Variants in EFNA5 observed in about 807,000 individuals in gnomAD.
EFNA5 encodes ephrin-A5.
A neutral mutation model predicts 22.9 loss-of-function variants in EFNA5; 5 were observed. The ratio of observed to expected loss-of-function variants is 0.22; its 90% CI spans 0.11 to 0.46. The LOEUF (loss-of-function observed/expected upper bound fraction) is 0.46, where lower values mean the gene tolerates loss of function less well. Among genes scored for constraint, EFNA5 ranks in the 20% least tolerant of loss-of-function variants. The pLI is 0.99. For missense variants in EFNA5, 237 were observed against 293.3 expected (o/e 0.81, Z 1.40); for synonymous variants, 113 against 112.2 (o/e 1.01, Z -0.04).
intron 1 of EFNA5, among the ~76,000 whole-genome samples, chr5:107,511,320 C>T (rs1442085895): frequency 6.6e-6 from 1 of 151,976 alleles, no homozygotes; most frequent in African/African-American, 2.4e-5. Flanking sequence ...GCCACTGCTC[C>T]CGGCACCATA....
intron 2 of EFNA5, among the ~76,000 whole-genome samples, chr5:107,397,085 A>ATTT (rs1168081880): frequency 7.0e-6 from 1 of 142,436 alleles, no homozygotes; most frequent in South Asian, 2.1e-4. Flanking sequence ...CCACTCTTTA[A>ATTT]TTTTTTTTTT....
intron 1 of EFNA5, among the ~76,000 whole-genome samples, chr5:107,475,266 A>G (rs1056384327): frequency 6.6e-6 from 1 of 152,236 alleles, no homozygotes; most frequent in African/African-American, 2.4e-5. Context: ...TCAAACAGGT[A>G]CTGGTGCAAC....
chr5:107,582,740 C>A (rs1412802064), intron 1 of EFNA5, among the ~76,000 whole-genome samples: 3 of 150,664 alleles, frequency 2.0e-5, no homozygotes, highest in Non-Finnish European at 4.4e-5. Flanking sequence ...TTATGAAGAT[C>A]TTGTACAAAA....
At chr5:107,634,672 A>C (rs1750335059) in intron 1 of EFNA5, among the ~76,000 whole-genome samples, 1 of 146,192 alleles carries the variant, frequency 6.8e-6, no homozygotes, top group Non-Finnish European at 1.5e-5. Flanking sequence ...ACATAGGCAG[A>C]CTAAGTTTTA....
At chr5:107,531,290 G>A (rs1421925463) in intron 1 of EFNA5, among the ~76,000 whole-genome samples, 1 of 152,266 alleles carries the variant, frequency 6.6e-6, no homozygotes, top group Admixed American at 6.5e-5. Context: ...AGATGAAGGG[G>A]TGTAACCAAT....
intron 3 of EFNA5, 104 bp from the exon 4 acceptor site, chr5:107,387,419 G>A: frequency 1.4e-6 from 1 of 736,964 alleles, no homozygotes; most frequent in Non-Finnish European, 2.2e-6. Context: ...TTTTTATGTA[G>A]ATTGTCTTAC....
At chr5:107,392,957 C>T (rs1279770512) in intron 2 of EFNA5, among the ~76,000 whole-genome samples, 2 of 152,254 alleles carry the variant, frequency 1.3e-5, no homozygotes, top group Non-Finnish European at 2.9e-5. Flanking sequence ...AATGTTCTCA[C>T]TCCAGTATTA....
chr5:107,535,214 A>G (rs1303178881), intron 1 of EFNA5, among the ~76,000 whole-genome samples: 1 of 152,228 alleles, frequency 6.6e-6, no homozygotes, highest in Admixed American at 6.5e-5. Flanking sequence ...TTAGAAAGGA[A>G]AAATAAATGT....
chr5:107,456,520 G>A (rs1333613704), intron 1 of EFNA5, among the ~76,000 whole-genome samples: 1 of 152,108 alleles, frequency 6.6e-6, no homozygotes, highest in African/African-American at 2.4e-5. Context: ...CCAGCAAACA[G>A]CAGCAAAATC....
chr5:107,498,203 A>G (rs1747037548), intron 1 of EFNA5, among the ~76,000 whole-genome samples: 1 of 152,266 alleles, frequency 6.6e-6, no homozygotes, highest in Non-Finnish European at 1.5e-5. Flanking sequence ...GGCGTGAGCC[A>G]ACAAGCCCGG....
At chr5:107,496,223 T>C (rs1424742624) in intron 1 of EFNA5, among the ~76,000 whole-genome samples, 1 of 143,930 alleles carries the variant, frequency 6.9e-6, no homozygotes, top group Non-Finnish European at 1.5e-5. Context: ...CAGGCACCTG[T>C]AATCCCAGCT....
intron 1 of EFNA5, among the ~76,000 whole-genome samples, chr5:107,539,809 A>T (rs954376198): frequency 6.6e-6 from 1 of 151,978 alleles, no homozygotes; most frequent in Non-Finnish European, 1.5e-5. Flanking sequence ...ACCATTGGTG[A>T]CTCTATGGTT....
intron 2 of EFNA5, among the ~76,000 whole-genome samples, chr5:107,416,182 T>A (rs1056225444): frequency 6.6e-6 from 1 of 152,226 alleles, no homozygotes; most frequent in African/African-American, 2.4e-5. Flanking sequence ...TACTTCCTAG[T>A]ATGTAAATTT....
chr5:107,457,667 A>C (rs1448580682), intron 1 of EFNA5, among the ~76,000 whole-genome samples: 2 of 152,132 alleles, frequency 1.3e-5, no homozygotes, highest in African/African-American at 4.8e-5. Context: ...TTACTTTACC[A>C]TGTTATTTGA....
intron 1 of EFNA5, among the ~76,000 whole-genome samples, chr5:107,668,297 T>C (rs1211749060): frequency 1.3e-5 from 2 of 152,184 alleles, no homozygotes; most frequent in East Asian, 3.9e-4. Flanking sequence ...TCTGGGCAGG[T>C]TCAAAGCCTC....
chr5:107,445,852 T>C (rs543688702), intron 1 of EFNA5, among the ~76,000 whole-genome samples: 15 of 152,262 alleles, frequency 9.9e-5, no homozygotes, highest in Admixed American at 3.3e-4. Flanking sequence ...TAAAGTTTGT[T>C]AATGTCTGGT....
chr5:107,617,774 T>C (rs1749953709), intron 1 of EFNA5, among the ~76,000 whole-genome samples: 1 of 152,132 alleles, frequency 6.6e-6, no homozygotes, highest in Non-Finnish European at 1.5e-5. Flanking sequence ...GAAATTCAAA[T>C]AGAAGTGGAA....
chr5:107,587,977 C>G lies in EFNA5; in HGVS notation c.125+82512G>C, dbSNP rs557917779. Among the ~76,000 whole-genome samples the G allele has an allele frequency of 1.6e-3, 247 of 152,274 alleles. 2 individuals carry two copies. Among genetic ancestry groups the G allele is most frequent in the African/African-American group, 5.8e-3 (240 of 41,548 alleles). The stretch of plus-strand genomic sequence containing the variant: ...AGGCTCTATGGTGCCAGGCACCAGG[C>G]TGCAAACCAACGTGCACAAAAGAAA... On this transcript the variant is annotated intron_variant, in intron 1 of 4. Transcript: ENST00000333274.
At chr5:107,536,511 C>G in intron 1 of EFNA5, among the ~76,000 whole-genome samples, 1 of 152,164 alleles carries the variant, frequency 6.6e-6, no homozygotes, top group East Asian at 1.9e-4. Flanking sequence ...TTATTCTATA[C>G]TTTTGTTTCT....
Sources: gnomAD v4.1 joint callset for allele counts (sites outside exome capture counted in the v4.1 genomes callset) on GRCh38, gnomAD v4.1.1 for gene constraint, MANE v1.5 for transcripts, NCBI Gene and HGNC (gene_info 2026-07-23, HGNC 2026-07-21) for gene names.